VPS26A: variants seen among roughly 807,000 people sequenced by gnomAD.
The protein encoded by VPS26A is vacuolar protein sorting-associated protein 26A.
A neutral mutation model predicts 42.4 loss-of-function variants in VPS26A; 22 were observed. The ratio of observed to expected loss-of-function variants is 0.52; its 90% confidence interval spans 0.37 to 0.74. The LOEUF (loss-of-function observed/expected upper bound fraction) is 0.74. Ranked by LOEUF, VPS26A falls within the 30% of genes least tolerant of loss-of-function variation. VPS26A has a pLI of 0.00. For synonymous variants in VPS26A, 110 were observed against 123.5 expected (o/e 0.89, Z 0.73); for missense variants, 276 against 379.2 (o/e 0.73, Z 2.26).
At chr10:69,125,362 C>T (rs1352032111) in intron 1 of VPS26A, among the ~76,000 whole-genome samples, 1 of 152,124 alleles carries the variant, frequency 6.6e-6, no homozygotes, top group Non-Finnish European at 1.5e-5. Flanking sequence ...CTCAGGTGTG[C>T]CTAGGGGACC....
In VPS26A at chr10:69,171,470, C is replaced by A. The variant is rs1472821; in HGVS notation, c.*201C>A. ...TCATGTATATACATTTTTAAAAGTGCTTTCTTTGAAACACTGGAACTTTGT... is the reference window on the plus strand; with the variant it reads ...TCATGTATATACATTTTTAAAAGTGATTTCTTTGAAACACTGGAACTTTGT... On this transcript the variant is annotated 3_prime_UTR_variant, in exon 9 of 9. Transcript: ENST00000263559. 2 of 410,988 alleles carry A rather than the reference C, an allele frequency of 4.9e-6. No individual in the cohort carries two copies. The highest frequency in any genetic ancestry group is 8.5e-6 in the Non-Finnish European group (2 of 236,436). The allele number at this position is 410,988 out of a possible 1,614,324, so 25.5% of individuals were successfully genotyped here. A position where few individuals can be genotyped will look rare whatever the true frequency, so the allele number is the denominator to read the frequency against.
intron 2 of VPS26A, among the ~76,000 whole-genome samples, chr10:69,133,816 A>C (rs1244563898): frequency 2.6e-5 from 4 of 151,982 alleles, no homozygotes; most frequent in South Asian, 4.1e-4. Flanking sequence ...CCTCTCTGGT[A>C]GCTGGGACTA....
At chr10:69,143,244 T>C (rs1365832481) in intron 2 of VPS26A, among the ~76,000 whole-genome samples, 3 of 152,170 alleles carry the variant, frequency 2.0e-5, no homozygotes, top group African/African-American at 7.2e-5. Flanking sequence ...TAGCCTTAAC[T>C]TTACCGCTGT....
At chr10:69,150,758 C>T (rs1341495121) in intron 2 of VPS26A, among the ~76,000 whole-genome samples, 2 of 152,084 alleles carry the variant, frequency 1.3e-5, no homozygotes, top group African/African-American at 2.4e-5. Flanking sequence ...AGCATCATGT[C>T]TCCAACTTAC....
rs369630734 is a variant in VPS26A, at chr10:69,144,668, T to C, written c.154-11144T>C. On this transcript the variant is annotated intron_variant, in intron 2 of 8. Coordinates refer to ENST00000263559, the MANE Select transcript of VPS26A (RefSeq NM_004896.5). ...TTGTATGGATGTACCAATGTTTGTT[T>C]ATCCGTTTACCTACTATCTTGGTTG... Among the ~76,000 whole-genome samples, 8 of 152,214 alleles carry C rather than the reference T, an allele frequency of 5.3e-5. No individual in the cohort carries two copies. In the South Asian group the frequency reaches 1.7e-3, roughly 32 times the overall value.
At chr10:69,156,022 G>T (rs2132225488) in intron 3 of VPS26A, 135 bp downstream of exon 3, 3 of 645,924 alleles carry the variant, frequency 4.6e-6, no homozygotes, top group Non-Finnish European at 7.8e-6. Context: ...TAAAAGAGAG[G>T]ATTTACTTTA....
At chr10:69,170,935 TTGG>T (rs1841799969) in intron 8 of VPS26A, among the ~76,000 whole-genome samples, 2 of 152,010 alleles carry the variant, frequency 1.3e-5, no homozygotes, top group African/African-American at 4.8e-5. Flanking sequence ...ACAGATTGGA[TTGG>T]TGGTGGTGGA....
At chr10:69,168,687 A>C in intron 8 of VPS26A, 56 bp downstream of exon 8, 1 of 1,582,660 alleles carries the variant, frequency 6.3e-7, no homozygotes, top group African/African-American at 1.4e-5. Flanking sequence ...AAATACCTCG[A>C]AAGCACTCTT....
In VPS26A at chr10:69,132,912, C is replaced by CT. The variant is rs58397129; in HGVS notation, c.24dup (p.Gly9TrpfsTer5). 6.3e-7 allele frequency: 1 copy of CT among 1,584,408 alleles called. No individual in the cohort carries two copies. The highest frequency in any genetic ancestry group is 1.2e-5 in the South Asian group (1 of 85,122). ...TTTTATTTCAGAGTTTTCTTGGAGG[C>CT]TTTTTTGGTCCAATTTGTGAGATCG... On this transcript the variant is annotated frameshift_variant, in exon 2 of 9. Coordinates refer to ENST00000263559, the MANE Select transcript of VPS26A (RefSeq NM_004896.5). LOFTEE classifies it high-confidence loss of function.
At chr10:69,131,753 T>G (rs966013423) in intron 1 of VPS26A, among the ~76,000 whole-genome samples, 1 of 152,042 alleles carries the variant, frequency 6.6e-6, no homozygotes, top group African/African-American at 2.4e-5. Context: ...TCATTCTGGT[T>G]GTTATGTAGG....
intron 2 of VPS26A, among the ~76,000 whole-genome samples, chr10:69,150,104 ATCCAGG>A (rs1358031688): frequency 3.3e-5 from 5 of 151,606 alleles, no homozygotes; most frequent in African/African-American, 1.2e-4. Context: ...TTACTCTGTC[ATCCAGG>A]CTGGAGTGCA....
At chr10:69,147,808 G>A (rs947747071) in intron 2 of VPS26A, among the ~76,000 whole-genome samples, 3 of 152,142 alleles carry the variant, frequency 2.0e-5, no homozygotes, top group African/African-American at 7.2e-5. Flanking sequence ...CACCTTCTGG[G>A]CTCAAGTGAT....
chr10:69,132,431 G>GTTTTTTTTTTTTTTTTT (rs3086557), intron 1 of VPS26A, among the ~76,000 whole-genome samples: 1 of 141,288 alleles, frequency 7.1e-6, no homozygotes. Flanking sequence ...TTTTGATGTA[G>GTTTTTTTTTTTTTTTTT]TTTTTTTTTT....
chr10:69,158,045 A>G lies in VPS26A; in HGVS notation c.387-2A>G. The G allele has an allele frequency of 6.3e-7, 1 of 1,592,622 alleles. No homozygotes were observed. Among genetic ancestry groups the G allele is most frequent in the Non-Finnish European group, 8.5e-7 (1 of 1,173,202 alleles). ...CTCATCGACTCTCTTTTAACTTTGT[A>G]GGTATTTTCTTAAAGTGACAATAGT... is the stretch of plus-strand genomic sequence containing the variant. On this transcript the variant is annotated splice_acceptor_variant, in intron 4 of 8. Coordinates refer to ENST00000263559, the MANE Select transcript of VPS26A (RefSeq NM_004896.5). LOFTEE classifies it high-confidence loss of function.
At position 69,140,403 on chromosome 10, in the gene VPS26A, C is replaced by T. The variant is rs190952412; in HGVS notation, c.153+7356C>T. The stretch of plus-strand genomic sequence containing the variant: ...TTTTTGTCTTTTCGTGATAGAGTCT[C>T]ACTCTGTCACCCATGTTGGAGTGCA... On this transcript the variant is annotated intron_variant, in intron 2 of 8. Coordinates refer to ENST00000263559, the MANE Select transcript of VPS26A (RefSeq NM_004896.5). Among the ~76,000 whole-genome samples, 11 of 151,992 alleles carry T rather than the reference C, an allele frequency of 7.2e-5. No individual in the cohort carries two copies. The East Asian group carries it at 1.9e-3, about 27-fold the overall frequency.
At chr10:69,159,515 T>C (rs1333581252) in intron 5 of VPS26A, among the ~76,000 whole-genome samples, 1 of 152,178 alleles carries the variant, frequency 6.6e-6, no homozygotes, top group East Asian at 1.9e-4. Flanking sequence ...AAAATACTCA[T>C]GTATTTGGAT....
intron 2 of VPS26A, among the ~76,000 whole-genome samples, chr10:69,137,389 T>A (rs757222265): frequency 6.6e-6 from 1 of 152,212 alleles, no homozygotes; most frequent in African/African-American, 2.4e-5. Context: ...TGCAGTCTCG[T>A]CTGAAGTTCA....
At chr10:69,131,550 T>C (rs1221167543) in intron 1 of VPS26A, among the ~76,000 whole-genome samples, 1 of 152,146 alleles carries the variant, frequency 6.6e-6, no homozygotes, top group African/African-American at 2.4e-5. Flanking sequence ...CTGGCTAACA[T>C]AGTGAAACCC....
chr10:69,128,225 A>G (rs1308951258), intron 1 of VPS26A, among the ~76,000 whole-genome samples: 2 of 137,272 alleles, frequency 1.5e-5, no homozygotes, highest in Non-Finnish European at 3.1e-5. Context: ...TAACTTTGGG[A>G]TTTGATTTTT....
Sources: gnomAD v4.1 joint callset for allele counts (sites outside exome capture counted in the v4.1 genomes callset) on GRCh38, gnomAD v4.1.1 for gene constraint, MANE v1.5 for transcripts, NCBI Gene and HGNC (gene_info 2026-07-23, HGNC 2026-07-21) for gene names.